PARD6B: variants seen among roughly 807,000 people sequenced by gnomAD.
PARD6B encodes the protein partitioning defective 6 homolog beta.
In PARD6B, 4 loss-of-function variants were observed where a neutral mutation model predicts 10.5. That is an observed-to-expected ratio of 0.38 (90% CI 0.19 to 0.87). The LOEUF is 0.87. PARD6B is among the 40% of genes least tolerant of loss of function. PARD6B has a pLI of 0.41. For missense variants in PARD6B, 396 were observed against 470.6 expected (o/e 0.84, Z 1.47); for synonymous variants, 169 against 170.4 (o/e 0.99, Z 0.07).
chr20:50,747,389 G>T (rs1247026935), intron 2 of PARD6B, among the ~76,000 whole-genome samples: 2 of 149,330 alleles, frequency 1.3e-5, no homozygotes, highest in African/African-American at 2.5e-5. Flanking sequence ...TTCTGTGGCA[G>T]CAGCTGAGAC....
At position 50,752,387 on chromosome 20, in the gene PARD6B, C is replaced by G; in HGVS notation, c.*1899C>G. On this transcript the variant is annotated 3_prime_UTR_variant, in exon 3 of 3. Coordinates refer to ENST00000371610, the MANE Select transcript of PARD6B (RefSeq NM_032521.3). ...GGGATTTCTAGAAACACTGCCTACA[C>G]TTTATGAAAACTACATAGTATTCAC... 1.0e-6 allele frequency: 1 copy of G among 985,524 alleles called. No individual in the cohort carries two copies. The highest frequency in any genetic ancestry group is 1.2e-6 in the Non-Finnish European group (1 of 829,884). 61.0% of individuals were successfully genotyped at this position (985,524 alleles called of 1,614,324 possible). A position where few individuals can be genotyped will look rare whatever the true frequency, so the allele number is the denominator to read the frequency against.
At chr20:50,735,107 G>T (rs1007960161) in intron 1 of PARD6B, among the ~76,000 whole-genome samples, 1 of 151,434 alleles carries the variant, frequency 6.6e-6, no homozygotes, top group Non-Finnish European at 1.5e-5. Flanking sequence ...CCGAGATTGC[G>T]CCACTGCACT....
At chr20:50,737,530 G>T (rs200715111) in intron 1 of PARD6B, among the ~76,000 whole-genome samples, 2 of 152,098 alleles carry the variant, frequency 1.3e-5, no homozygotes, top group East Asian at 1.9e-4. Flanking sequence ...GAGCATTGCC[G>T]TCAGAGTCTG....
chr20:50,733,383 C>T (rs1044693912), intron 1 of PARD6B, among the ~76,000 whole-genome samples: 3 of 152,158 alleles, frequency 2.0e-5, no homozygotes, highest in Non-Finnish European at 4.4e-5. Flanking sequence ...AAGTTTGCAC[C>T]ATTGCACTCC....
chr20:50,753,507 T>G lies in PARD6B; in HGVS notation c.*3019T>G, dbSNP rs2087626686. ...TAAATTTATGATAATGTTCTCGAGC[T>G]ATCAACAAAATATATGTACTTTTGT... On this transcript the variant is annotated 3_prime_UTR_variant, in exon 3 of 3. Coordinates refer to ENST00000371610, the MANE Select transcript of PARD6B (RefSeq NM_032521.3). 2 of 955,928 alleles carry G rather than the reference T, an allele frequency of 2.1e-6. No homozygotes were observed. Among genetic ancestry groups the G allele is most frequent in the Admixed American group, 1.2e-4 (2 of 16,212 alleles). 59.2% of individuals were successfully genotyped at this position (955,928 alleles called of 1,614,324 possible).
intron 2 of PARD6B, among the ~76,000 whole-genome samples, chr20:50,745,945 C>T (rs2087565545): frequency 6.6e-6 from 1 of 152,176 alleles, no homozygotes. Context: ...AACATTATTT[C>T]ATTATTTGAT....
Position 50,749,861 on chromosome 20 carries a change from C to T in PARD6B, c.492C>T (p.Gly164=). 1 of 1,614,132 alleles carries T rather than the reference C, an allele frequency of 6.2e-7. No individual in the cohort carries two copies. Residue 164 remains glycine, a synonymous_variant, in exon 3 of 3, where the codon GGC becomes GGT. Transcript: ENST00000371610. ...GTAGGGTACGTCTTTACAAATACGG[C>T]ACGGAGAAACCCCTAGGATTCTACA... ...THRRVRLYKY[G]TEKPLGFYIR...
Position 50,749,559 on chromosome 20 carries a change from C to A in PARD6B, c.290-100C>A, listed in dbSNP as rs867234032. 4.8e-6 allele frequency: 5 copies of A among 1,049,980 alleles called. No individual in the cohort carries two copies. In the Middle Eastern group the frequency reaches 8.2e-4, roughly 172 times the overall value. The allele number at this position is 1,049,980 out of a possible 1,614,324, so 65.0% of individuals were successfully genotyped here. On this transcript the variant is annotated intron_variant, in intron 2 of 2. Coordinates refer to ENST00000371610, the MANE Select transcript of PARD6B (RefSeq NM_032521.3). ...GCTTATTAGCTAGTTTGTTTATATACCAAATATATTTTGAGTTATCCTTTC... is the reference window on the plus strand; with the variant it reads ...GCTTATTAGCTAGTTTGTTTATATAACAAATATATTTTGAGTTATCCTTTC...
At chr20:50,748,318 A>G (rs1176969602) in intron 2 of PARD6B, among the ~76,000 whole-genome samples, 1 of 152,244 alleles carries the variant, frequency 6.6e-6, no homozygotes, top group African/African-American at 2.4e-5. Context: ...CACTCCAGCC[A>G]GGACGACAGA....
intron 1 of PARD6B, among the ~76,000 whole-genome samples, chr20:50,733,515 T>TA (rs2087483611): frequency 6.6e-6 from 1 of 152,186 alleles, no homozygotes; most frequent in South Asian, 2.1e-4. Context: ...GACGTGTAGT[T>TA]ACAGCAATTT....
chr20:50,743,643 T>A (rs991033389), intron 2 of PARD6B, among the ~76,000 whole-genome samples: 13 of 152,072 alleles, frequency 8.5e-5, no homozygotes, highest in African/African-American at 3.1e-4. Context: ...AATCCCAGCA[T>A]TTTTGGTGGC....
Position 50,731,613 on chromosome 20 carries a change from G to C in PARD6B, c.-174G>C. ...CCTCGGTCCCGCCGTGTGAGCAGCT[G>C]GTGGAGTGGAGCTCAGCGCGGACGC... On this transcript the variant is annotated 5_prime_UTR_variant, in exon 1 of 3. Coordinates refer to ENST00000371610, the MANE Select transcript of PARD6B (RefSeq NM_032521.3). The C allele has an allele frequency of 2.1e-6, 1 of 476,754 alleles. No homozygotes were observed. Among genetic ancestry groups the C allele is most frequent in the Non-Finnish European group, 3.6e-6 (1 of 275,446 alleles). The allele number at this position is 476,754 out of a possible 1,614,324, so 29.5% of individuals were successfully genotyped here. A position where few individuals can be genotyped will look rare whatever the true frequency, so the allele number is the denominator to read the frequency against.
intron 1 of PARD6B, among the ~76,000 whole-genome samples, chr20:50,733,595 G>C (rs199544040): frequency 1.4e-5 from 2 of 143,798 alleles, no homozygotes; most frequent in Non-Finnish European, 3.1e-5. Context: ...TTGAGCTATA[G>C]CGTTAAGATG....
At chr20:50,741,845 C>T (rs2087532572) in intron 2 of PARD6B, among the ~76,000 whole-genome samples, 1 of 152,092 alleles carries the variant, frequency 6.6e-6, no homozygotes, top group African/African-American at 2.4e-5. Context: ...CGCGCCCGGC[C>T]GCACTCTGTC....
intron 1 of PARD6B, among the ~76,000 whole-genome samples, chr20:50,737,164 C>T (rs2087503835): frequency 6.6e-6 from 1 of 152,082 alleles, no homozygotes; most frequent in Non-Finnish European, 1.5e-5. Context: ...TTAATACCTC[C>T]CTGAAGTAAT....
chr20:50,749,149 C>G (rs936952513), intron 2 of PARD6B, among the ~76,000 whole-genome samples: 1 of 152,164 alleles, frequency 6.6e-6, no homozygotes, highest in Non-Finnish European at 1.5e-5. Context: ...CGAGACCATC[C>G]TGGCTAACAC....
intron 1 of PARD6B, among the ~76,000 whole-genome samples, chr20:50,732,465 C>T (rs1357693287): frequency 6.6e-6 from 1 of 152,198 alleles, no homozygotes; most frequent in Non-Finnish European, 1.5e-5. Flanking sequence ...GCTACCTACT[C>T]ACATCAAGTG....
At position 50,751,939 on chromosome 20, in the gene PARD6B, A is replaced by C; in HGVS notation, c.*1451A>C. 2.1e-6 allele frequency: 2 copies of C among 963,930 alleles called. No homozygotes were observed. Among genetic ancestry groups the C allele is most frequent in the Non-Finnish European group, 2.5e-6 (2 of 810,782 alleles). The allele number at this position is 963,930 out of a possible 1,614,324, so 59.7% of individuals were successfully genotyped here. On this transcript the variant is annotated 3_prime_UTR_variant, in exon 3 of 3. Coordinates refer to ENST00000371610, the MANE Select transcript of PARD6B (RefSeq NM_032521.3). ...GGTGGGTCTCAAACTCCTGACCTCA[A>C]GTGATCCGCCCATCTCCTCCCAAAG... is the stretch of plus-strand genomic sequence containing the variant.
intron 2 of PARD6B, among the ~76,000 whole-genome samples, chr20:50,748,802 G>A (rs1205380324): frequency 1.3e-5 from 2 of 152,116 alleles, no homozygotes; most frequent in Non-Finnish European, 2.9e-5. Flanking sequence ...GATTATAGAC[G>A]TGAGGCACCA....
Sources: gnomAD v4.1 joint callset for allele counts (sites outside exome capture counted in the v4.1 genomes callset) on GRCh38, gnomAD v4.1.1 for gene constraint, MANE v1.5 for transcripts, NCBI Gene and HGNC (gene_info 2026-07-23, HGNC 2026-07-21) for gene names.